The following TEX14 variants were observed in gnomAD, a reference collection of about 807,000 sequenced individuals.
The protein encoded by TEX14 is inactive serine/threonine-protein kinase TEX14.
TEX14 carries 168 observed loss-of-function variants against 178.6 expected under a neutral mutation model. The observed-to-expected ratio is 0.94, with a 90% CI of 0.83 to 1.07. The LOEUF (loss-of-function observed/expected upper bound fraction) is 1.07, where lower values mean the gene tolerates loss of function less well. Ranked by LOEUF, TEX14 falls within the 50% of genes least tolerant of loss-of-function variation. TEX14 has a pLI of 0.00. For synonymous variants in TEX14, 626 were observed against 634.1 expected (o/e 0.99, Z 0.19); for missense variants, 1,730 against 1,753.6 (o/e 0.99, Z 0.24).
chr17:58,568,391 A>T (rs968068132), intron 26 of TEX14, among the ~76,000 whole-genome samples: 1 of 152,154 alleles, frequency 6.6e-6, no homozygotes, highest in Non-Finnish European at 1.5e-5. Context: ...GAAAATTCTG[A>T]TTTACCTCCT....
chr17:58,625,683 C>A (rs2046119640), intron 3 of TEX14, among the ~76,000 whole-genome samples: 1 of 152,160 alleles, frequency 6.6e-6, no homozygotes, highest in Non-Finnish European at 1.5e-5. Context: ...ATTTGGTACA[C>A]ACAGTGTTCA....
intron 4 of TEX14, 52 bp downstream of exon 4, chr17:58,622,794 TC>T (rs1473718398): frequency 6.6e-7 from 1 of 1,519,030 alleles, no homozygotes; most frequent in Non-Finnish European, 9.0e-7. Context: ...AGCCTGACTC[TC>T]AGCCCAGTAC....
At chr17:58,584,707 G>C (rs1404906798) in intron 18 of TEX14, 107 bp from the exon 19 acceptor site, 3 of 891,606 alleles carry the variant, frequency 3.4e-6, no homozygotes, top group Non-Finnish European at 5.5e-6. Context: ...ATTCTGCCAA[G>C]AGTGGCCATG....
intron 14 of TEX14, 150 bp downstream of exon 14, chr17:58,598,726 G>C (rs118000729): frequency 0.015 from 11,846 of 782,946 alleles, 140 homozygotes; most frequent in Non-Finnish European, 0.02. Flanking sequence ...TCCTGCTTAG[G>C]ATGCCCCTTC....
At chr17:58,585,770 C>T (rs2044950332) in intron 18 of TEX14, 31 bp downstream of exon 18, 1 of 1,611,112 alleles carries the variant, frequency 6.2e-7, no homozygotes. Flanking sequence ...TGATTGAGTT[C>T]ACCTATCCTG....
At chr17:58,602,699 T>A in intron 11 of TEX14, 109 bp from the exon 12 acceptor site, 1 of 743,526 alleles carries the variant, frequency 1.3e-6, no homozygotes, top group Non-Finnish European at 2.1e-6. Context: ...ACTTAACTTC[T>A]TTATTTTTTT....
At chr17:58,574,415 C>T (rs558753222) in intron 21 of TEX14, among the ~76,000 whole-genome samples, 166 bp from the exon 22 acceptor site, 2 of 152,252 alleles carry the variant, frequency 1.3e-5, no homozygotes, top group South Asian at 2.1e-4. Flanking sequence ...CGTTGGCTCA[C>T]GTCTGTAATC....
chr17:58,607,448 C>G (rs1567732239), intron 10 of TEX14, among the ~76,000 whole-genome samples: 1 of 152,148 alleles, frequency 6.6e-6, no homozygotes, highest in Non-Finnish European at 1.5e-5. Context: ...GGCTGGTGTT[C>G]CTGTCAACCT....
intron 14 of TEX14, among the ~76,000 whole-genome samples, chr17:58,596,722 GAA>G (rs768612308): frequency 1.0e-4 from 14 of 139,290 alleles, no homozygotes; most frequent in African/African-American, 2.6e-4. Context: ...CATCTCTATG[GAA>G]AAAAAAAAAA....
intron 2 of TEX14, among the ~76,000 whole-genome samples, chr17:58,639,349 T>C (rs570062394): frequency 6.2e-4 from 13 of 20,916 alleles, no homozygotes; most frequent in African/African-American, 3.7e-3. Flanking sequence ...AAGGTGCCAG[T>C]AGTGTATACT....
At chr17:58,597,698 A>G (rs1287299386) in intron 14 of TEX14, among the ~76,000 whole-genome samples, 1 of 152,176 alleles carries the variant, frequency 6.6e-6, no homozygotes. Context: ...TATAAAATTC[A>G]AGAGGCAGCC....
intron 15 of TEX14, among the ~76,000 whole-genome samples, chr17:58,591,014 G>A (rs1347914755): frequency 6.6e-6 from 1 of 151,998 alleles, no homozygotes; most frequent in African/African-American, 2.4e-5. Flanking sequence ...GGAACAGGTG[G>A]AAAAATGTCA....
chr17:58,639,647 C>T (rs192459770), intron 2 of TEX14, among the ~76,000 whole-genome samples: 1 of 152,242 alleles, frequency 6.6e-6, no homozygotes, highest in Non-Finnish European at 1.5e-5. Context: ...TTGCCGTGAG[C>T]CCCTCATAAG....
intron 1 of TEX14, among the ~76,000 whole-genome samples, chr17:58,669,492 G>A (rs886102341): frequency 6.6e-6 from 1 of 151,944 alleles, no homozygotes; most frequent in African/African-American, 2.4e-5. Context: ...TGACACTTTC[G>A]GAGGCCGAGG....
At chr17:58,616,025 A>C (rs1407155568) in intron 7 of TEX14, 150 bp downstream of exon 7, 1 of 854,434 alleles carries the variant, frequency 1.2e-6, no homozygotes. Flanking sequence ...AAATGGTAAT[A>C]GTGTCCTGGC....
intron 2 of TEX14, among the ~76,000 whole-genome samples, chr17:58,632,382 G>T (rs1374804393): frequency 6.6e-6 from 1 of 152,090 alleles, no homozygotes; most frequent in African/African-American, 2.4e-5. Context: ...ATTTTTTTCT[G>T]GTTTTCGCAC....
At chr17:58,620,560 C>T (rs1174754436) in intron 5 of TEX14, among the ~76,000 whole-genome samples, 4 of 151,932 alleles carry the variant, frequency 2.6e-5, no homozygotes, top group African/African-American at 7.3e-5. Flanking sequence ...GTGGTGCGAT[C>T]TCGGCTCACT....
At chr17:58,616,025 A>T (rs1407155568) in intron 7 of TEX14, 150 bp downstream of exon 7, 6 of 854,552 alleles carry the variant, frequency 7.0e-6, no homozygotes, top group Non-Finnish European at 1.1e-5. Flanking sequence ...AAATGGTAAT[A>T]GTGTCCTGGC....
chr17:58,612,716 CAGA>C (rs1361794605), intron 9 of TEX14, among the ~76,000 whole-genome samples: 3 of 121,298 alleles, frequency 2.5e-5, no homozygotes, highest in African/African-American at 9.9e-5. Flanking sequence ...GCCTGGGTGA[CAGA>C]AGGAGACTCT....
Sources: gnomAD v4.1 joint callset for allele counts (sites outside exome capture counted in the v4.1 genomes callset) on GRCh38, gnomAD v4.1.1 for gene constraint, MANE v1.5 for transcripts, NCBI Gene and HGNC (gene_info 2026-07-23, HGNC 2026-07-21) for gene names.